LSG1: variants seen among roughly 807,000 people sequenced by gnomAD.
LSG1 encodes large subunit GTPase 1 homolog.
In LSG1, 55 loss-of-function variants were observed where a neutral mutation model predicts 82.6. The observed-to-expected ratio is 0.67, with a 90% confidence interval of 0.54 to 0.83. The LOEUF is 0.83. LSG1 is among the 40% of genes least tolerant of loss of function. The pLI, the probability that LSG1 is intolerant of heterozygous loss-of-function variation, is 0.00. For missense variants in LSG1, 809 were observed against 807.9 expected, an observed-to-expected ratio of 1.00 and a Z score of -0.02; for synonymous variants, 272 against 282.5, an observed-to-expected ratio of 0.96 and a Z score of 0.37.
rs140625459 is a variant in LSG1 at position 194,670,728 on chromosome 3, G to C, written c.100-593C>G. 3.9e-5 allele frequency among the ~76,000 whole-genome samples: 6 copies of C among 152,220 alleles called. No individual in the cohort carries two copies. The East Asian group carries it at 5.8e-4, about 15-fold the overall frequency. On this transcript the variant is annotated intron_variant, in intron 1 of 13. Transcript: ENST00000265245. ...CTGCAGACCACTAAATTGACTTCCAGACACAACCCAGAGTTTGATAACCAT... is the reference window on the plus strand; with the variant it reads ...CTGCAGACCACTAAATTGACTTCCACACACAACCCAGAGTTTGATAACCAT...
chr3:194,654,918 G>A (rs1718762311), intron 7 of LSG1, among the ~76,000 whole-genome samples: 2 of 152,130 alleles, frequency 1.3e-5, no homozygotes, highest in African/African-American at 4.8e-5. Flanking sequence ...GAACATTCAC[G>A]TTTTTCAAAC....
intron 10 of LSG1, among the ~76,000 whole-genome samples, chr3:194,649,876 A>C (rs553059740): frequency 2.6e-5 from 4 of 152,040 alleles, no homozygotes; most frequent in South Asian, 2.1e-4. Flanking sequence ...TTATTAGCTT[A>C]TAAGTAGAGT....
chr3:194,648,869 C>T, intron 10 of LSG1, 65 bp from the exon 11 acceptor site: 1 of 1,577,006 alleles, frequency 6.3e-7, no homozygotes, highest in Non-Finnish European at 8.7e-7. Flanking sequence ...ACAAATCGTG[C>T]CTCAAAGAAC....
rs550325489 is a variant in LSG1 at position 194,641,292 on chromosome 3, A to G, written c.*776T>C. ...CAGTCAATTTTAGGACATTTTTATC[A>G]CTGCAAAAGAAAGACCTCAATCTTC... On this transcript the variant is annotated 3_prime_UTR_variant, in exon 14 of 14. Coordinates refer to ENST00000265245, the MANE Select transcript of LSG1 (RefSeq NM_018385.3). 6.6e-6 allele frequency: 1 copy of G among 152,330 alleles called. No homozygotes were observed. The highest frequency in any genetic ancestry group is 6.5e-5 in the Admixed American group (1 of 15,296). The allele number at this position is 152,330 out of a possible 1,614,324, so 9.4% of individuals were successfully genotyped here. A position where few individuals can be genotyped will look rare whatever the true frequency, so the allele number is the denominator to read the frequency against.
At chr3:194,657,369 A>AT (rs1247449240) in intron 7 of LSG1, among the ~76,000 whole-genome samples, 1 of 151,946 alleles carries the variant, frequency 6.6e-6, no homozygotes, top group East Asian at 1.9e-4. Flanking sequence ...AACCATTAAC[A>AT]TATTTAAAAG....
intron 2 of LSG1, among the ~76,000 whole-genome samples, chr3:194,669,070 G>A (rs1428306692): frequency 5.1e-4 from 77 of 152,122 alleles, no homozygotes; most frequent in Non-Finnish European, 1.5e-5. Context: ...CTGGTCAAAC[G>A]GTAAAGTTTT....
At chr3:194,669,495 T>C (rs1188888280) in intron 2 of LSG1, among the ~76,000 whole-genome samples, 1 of 152,178 alleles carries the variant, frequency 6.6e-6, no homozygotes, top group Non-Finnish European at 1.5e-5. Context: ...CCTGTGCTCA[T>C]CACATCCCGC....
chr3:194,667,809 G>A (rs1455723774), intron 2 of LSG1, among the ~76,000 whole-genome samples: 1 of 150,136 alleles, frequency 6.7e-6, no homozygotes, highest in African/African-American at 2.5e-5. Flanking sequence ...TGTAATCCCA[G>A]CTACTCAGGA....
intron 10 of LSG1, chr3:194,650,612 C>A: frequency 3.2e-6 from 1 of 313,478 alleles, no homozygotes. Context: ...CAAGGTCATT[C>A]AAACGGTTAC....
intron 6 of LSG1, 107 bp downstream of exon 6, chr3:194,659,966 C>T (rs1323865611): frequency 3.1e-6 from 3 of 957,550 alleles, no homozygotes; most frequent in Non-Finnish European, 5.0e-6. Context: ...CCTCACTAAA[C>T]GAAGCCAGAG....
chr3:194,645,517 CACACACACACACAG>C (rs1718507941), intron 12 of LSG1: 2 of 58,188 alleles, frequency 3.4e-5, no homozygotes, highest in South Asian at 4.7e-4. Context: ...CACACACACA[CACACACACACACAG>C]ACAGACACAC....
At position 194,642,164 on chromosome 3, in the gene LSG1, C is replaced by T. The variant is rs374377229; in HGVS notation, c.1881G>A (p.Ala627=). The T allele has an allele frequency of 5.1e-5, 83 of 1,614,088 alleles. No individual in the cohort carries two copies. The highest frequency in any genetic ancestry group is 5.1e-4 in the African/African-American group (38 of 75,028). Residue 627 remains alanine, a synonymous_variant, in exon 14 of 14, where the codon GCG becomes GCA. Coordinates refer to ENST00000265245, the MANE Select transcript of LSG1 (RefSeq NM_018385.3). ...GCTTCCCCGCCCCGTTCTCAGAGCT[C>T]GCAGTGGATGCAGTCACTACACCAC... The part of the protein sequence containing the change: ...PGSGVVTAST[A]SSENGAGKPW...
chr3:194,661,767 C>T (rs1374282743), intron 5 of LSG1, among the ~76,000 whole-genome samples: 3 of 152,118 alleles, frequency 2.0e-5, no homozygotes, highest in African/African-American at 4.8e-5. Context: ...TTCAGATCCA[C>T]TTTCATATAA....
In LSG1 at chr3:194,652,961, T is replaced by C. The variant is rs550220948; in HGVS notation, c.941A>G (p.Glu314Gly). 1.2e-5 allele frequency: 20 copies of C among 1,614,158 alleles called. No homozygotes were observed. In the East Asian group the frequency reaches 4.5e-4, roughly 36 times the overall value. Residue 314 changes from glutamate (E) to glycine (G), a missense_variant, in exon 8 of 14, where the codon GAG (glutamate) becomes GGG (glycine). Coordinates refer to ENST00000265245, the MANE Select transcript of LSG1 (RefSeq NM_018385.3). The part of the protein sequence containing the change: ...DSEYEDCPEE[E>G]EDDWQTCSEE... Reference sequence around the variant, plus strand: ...TGAGCACGTCTGCCAGTCGTCTTCCTCCTCCTCTGGACAGTCCTCATACTC... The same window carrying C: ...TGAGCACGTCTGCCAGTCGTCTTCCCCCTCCTCTGGACAGTCCTCATACTC...
At position 194,652,745 on chromosome 3, in the gene LSG1, T is replaced by A; in HGVS notation, c.1157A>T (p.Gln386Leu). The A allele has an allele frequency of 6.2e-7, 1 of 1,613,284 alleles. No individual in the cohort carries two copies. Residue 386 changes from glutamine to leucine, a missense_variant, in exon 8 of 14, where the codon CAA becomes CTA. Gln to Leu is a moderately radical substitution (Grantham distance 113, BLOSUM62 -2). Transcript: ENST00000265245. ...LHTGRKVKDG[Q>L]LTVGLVGYPN... ...TCATCTTACCAGTCCGACCGTAAGT[T>A]GCCCATCTTTCACCTTTCTCCCAGT...
rs370741277 is a variant in LSG1 at position 194,642,165 on chromosome 3, G to A, written c.1880C>T (p.Ala627Val). 7.3e-5 allele frequency: 117 copies of A among 1,613,708 alleles called. No individual in the cohort carries two copies. Among genetic ancestry groups the A allele is most frequent in the Admixed American group, 4.0e-4 (24 of 59,962 alleles). ...CTTCCCCGCCCCGTTCTCAGAGCTC[G>A]CAGTGGATGCAGTCACTACACCACT... Reference protein sequence around the residue: ...PGSGVVTASTASSENGAGKPW... With the variant: ...PGSGVVTASTVSSENGAGKPW... The change falls in exon 14 of 14, where the codon GCG (alanine) becomes GTG (valine). Residue 627 changes from alanine (A) to valine (V), a missense_variant. Transcript: ENST00000265245.
At chr3:194,665,675 C>T (rs373548643) in intron 4 of LSG1, 32 bp from the exon 5 acceptor site, 246 of 1,362,194 alleles carry the variant, frequency 1.8e-4, no homozygotes, top group Middle Eastern at 7.2e-4. Context: ...TATATATTTG[C>T]CAGATTATAA....
intron 8 of LSG1, among the ~76,000 whole-genome samples, chr3:194,652,516 G>GT (rs1396846619): frequency 6.6e-6 from 1 of 152,176 alleles, no homozygotes; most frequent in East Asian, 1.9e-4. Flanking sequence ...ATGTGAATAG[G>GT]TATGTTACCA....
intron 10 of LSG1, among the ~76,000 whole-genome samples, chr3:194,649,545 T>C (rs1404677492): frequency 6.7e-6 from 1 of 150,320 alleles, no homozygotes; most frequent in East Asian, 1.9e-4. Flanking sequence ...AAAAATTAAC[T>C]GGGCATGGTG....
Sources: allele counts gnomAD v4.1 joint callset (sites outside exome capture counted in the v4.1 genomes callset), GRCh38; gene constraint gnomAD v4.1.1; transcripts MANE v1.5; gene names NCBI Gene and HGNC (gene_info 2026-07-23, HGNC 2026-07-21).